FRAS1: variants seen among roughly 807,000 people sequenced by gnomAD.
The protein encoded by FRAS1 is Fraser extracellular matrix complex subunit 1, also known as extracellular matrix organizing protein FRAS1.
A neutral mutation model predicts 435.2 loss-of-function variants in FRAS1; 290 were observed. That is an observed-to-expected ratio of 0.67 (90% CI 0.61 to 0.73). The LOEUF (loss-of-function observed/expected upper bound fraction) is 0.73. Ranked by LOEUF, FRAS1 falls within the 30% of genes least tolerant of loss-of-function variation. The pLI, the probability that FRAS1 is intolerant of heterozygous loss-of-function variation, is 0.00. For synonymous variants in FRAS1, 1,800 were observed against 1,851.0 expected, an observed-to-expected ratio of 0.97 and a Z score of 0.71; for missense variants, 4,860 against 5,001.5, an observed-to-expected ratio of 0.97 and a Z score of 0.85.
At chr4:78,103,238 A>G (rs1481084144) in intron 2 of FRAS1, among the ~76,000 whole-genome samples, 1 of 152,230 alleles carries the variant, frequency 6.6e-6, no homozygotes, top group Non-Finnish European at 1.5e-5. Context: ...ACATTTCTTA[A>G]ACAATTTTAA....
At chr4:78,208,414 C>T (rs1723355035) in intron 2 of FRAS1, among the ~76,000 whole-genome samples, 1 of 152,136 alleles carries the variant, frequency 6.6e-6, no homozygotes, top group Non-Finnish European at 1.5e-5. Flanking sequence ...ATCACACTAG[C>T]TCACCAGCAA....
At chr4:78,125,082 G>A (rs1384900861) in intron 2 of FRAS1, among the ~76,000 whole-genome samples, 3 of 152,132 alleles carry the variant, frequency 2.0e-5, no homozygotes, top group Non-Finnish European at 4.4e-5. Context: ...TGTGATGTTA[G>A]TGTGTCAGTT....
At chr4:78,275,450 C>T (rs913542335) in intron 9 of FRAS1, among the ~76,000 whole-genome samples, 5 of 152,108 alleles carry the variant, frequency 3.3e-5, no homozygotes, top group Non-Finnish European at 7.4e-5. Context: ...CAGTGGCTGG[C>T]ACCGGTTGTT....
chr4:78,434,968 G>A (rs1236106714), intron 38 of FRAS1, among the ~76,000 whole-genome samples: 4 of 149,222 alleles, frequency 2.7e-5, no homozygotes, highest in Non-Finnish European at 5.9e-5. Flanking sequence ...CTTACCAAAC[G>A]ATCTTTCAAT....
At chr4:78,513,328 A>T in intron 64 of FRAS1, 64 bp from the exon 65 acceptor site, 2 of 1,503,862 alleles carry the variant, frequency 1.3e-6, no homozygotes, top group South Asian at 2.3e-5. Context: ...ATGAGAAAGA[A>T]GTATGTCCTA....
At position 78,482,453 on chromosome 4, in the gene FRAS1, G is replaced by A; in HGVS notation, c.8670G>A (p.Val2890=). 1 of 1,613,884 alleles carries A rather than the reference G, an allele frequency of 6.2e-7. No individual in the cohort carries two copies. Among genetic ancestry groups the A allele is most frequent in the East Asian group, 2.2e-5 (1 of 44,882 alleles). The part of the protein sequence containing the change: ...YPVIEGLETF[V]VFLSSAQGAE... ...TAATTGAAGGACTGGAGACATTTGT[G>A]GTTTTCCTCAGCTCAGCACAAGGAG... The change falls in exon 58 of 74, where the codon GTG becomes GTA. Residue 2890 remains valine, a synonymous_variant. Coordinates refer to ENST00000512123, the MANE Select transcript of FRAS1 (RefSeq NM_025074.7).
intron 47 of FRAS1, among the ~76,000 whole-genome samples, chr4:78,458,882 G>A (rs1020694302): frequency 2.6e-5 from 4 of 152,144 alleles, no homozygotes; most frequent in African/African-American, 9.7e-5. Context: ...ATAAGGCAGT[G>A]TATTACTGGC....
chr4:78,393,362 A>G lies in FRAS1; in HGVS notation c.3975+5661A>G, dbSNP rs541541648. ...CTGCAGGTTTTTCTTCATGATTACC[A>G]TAAGGGTTACATAAAATATCTTATA... On this transcript the variant is annotated intron_variant, in intron 29 of 73. Coordinates refer to ENST00000512123, the MANE Select transcript of FRAS1 (RefSeq NM_025074.7). Among the ~76,000 whole-genome samples the G allele has an allele frequency of 6.6e-5, 10 of 151,952 alleles. No homozygotes were observed. In the South Asian group the frequency reaches 1.9e-3, roughly 28 times the overall value.
At chr4:78,112,671 A>T (rs544058431) in intron 2 of FRAS1, among the ~76,000 whole-genome samples, 6 of 152,224 alleles carry the variant, frequency 3.9e-5, no homozygotes, top group African/African-American at 1.2e-4. Flanking sequence ...CAGTTATGAA[A>T]TGGCCAAACC....
rs1733389694 is a variant in FRAS1, at chr4:78,412,721, GA to G, written c.4309-247del. Among the ~76,000 whole-genome samples the G allele has an allele frequency of 4.6e-5, 7 of 152,142 alleles. No individual in the cohort carries two copies. The South Asian group carries it at 1.5e-3, about 32-fold the overall frequency. ...ATTTCTAGATAGTGAAATTCTAGATGATTTTTTATTGCTTATTTATGCTTTC... is the reference window on the plus strand; with the variant it reads ...ATTTCTAGATAGTGAAATTCTAGATGTTTTTTATTGCTTATTTATGCTTTC... On this transcript the variant is annotated intron_variant, in intron 31 of 73. Coordinates refer to ENST00000512123, the MANE Select transcript of FRAS1 (RefSeq NM_025074.7).
chr4:78,430,621 C>T (rs182065383), intron 37 of FRAS1, among the ~76,000 whole-genome samples: 66 of 152,274 alleles, frequency 4.3e-4, no homozygotes, highest in African/African-American at 1.5e-3. Flanking sequence ...CTGCCCCCGG[C>T]CCCACCTTGA....
chr4:78,283,133 T>G (rs1443796453), intron 12 of FRAS1, among the ~76,000 whole-genome samples, 166 bp downstream of exon 12: 2 of 74,336 alleles, frequency 2.7e-5, no homozygotes, highest in African/African-American at 7.3e-5. Flanking sequence ...TTAATCTTTG[T>G]CTGTGTAATT....
At chr4:78,393,165 T>C (rs1354839364) in intron 29 of FRAS1, among the ~76,000 whole-genome samples, 1 of 152,020 alleles carries the variant, frequency 6.6e-6, no homozygotes, top group East Asian at 1.9e-4. Flanking sequence ...CCTAACCTCA[T>C]AAAGTTTTCT....
intron 20 of FRAS1, among the ~76,000 whole-genome samples, chr4:78,356,804 T>TA (rs71216212): frequency 1.1e-3 from 174 of 151,922 alleles, no homozygotes; most frequent in South Asian, 5.4e-3. Flanking sequence ...GCCTTTCATA[T>TA]AAAAAAAATT....
chr4:78,447,302 A>AAAC (rs1171318831), intron 43 of FRAS1, among the ~76,000 whole-genome samples: 3 of 147,994 alleles, frequency 2.0e-5, no homozygotes, highest in African/African-American at 7.5e-5. Flanking sequence ...AAAAAAAAAA[A>AAAC]AACACTTTTC....
chr4:78,392,094 G>T (rs554747486), intron 29 of FRAS1, among the ~76,000 whole-genome samples: 1 of 152,084 alleles, frequency 6.6e-6, no homozygotes, highest in African/African-American at 2.4e-5. Context: ...ATGGAGCAAG[G>T]GTTCTATATT....
Position 78,083,977 on chromosome 4 carries a change from C to G in FRAS1, c.108+17961C>G, listed in dbSNP as rs561952952. The stretch of plus-strand genomic sequence containing the variant: ...TAAGGCACAATTCAAATAGAAAAGA[C>G]AGGGTAAACTCTTGGTTGATTCTCC... On this transcript the variant is annotated intron_variant, in intron 2 of 73. Coordinates refer to ENST00000512123, the MANE Select transcript of FRAS1 (RefSeq NM_025074.7). Among the ~76,000 whole-genome samples, 269 of 152,154 alleles carry G rather than the reference C, an allele frequency of 1.8e-3. 1 individual carries two copies. Among genetic ancestry groups the G allele is most frequent in the African/African-American group, 6.2e-3 (258 of 41,532 alleles).
At position 78,533,962 on chromosome 4, in the gene FRAS1, G is replaced by C. The variant is rs564376111; in HGVS notation, c.10926-487G>C. On this transcript the variant is annotated intron_variant, in intron 70 of 73. Transcript: ENST00000512123. ...GCGCTTATCTGCCAGAAGGAGACAC[G>C]GAAGGAAGGGGCTCAGGAAGAAGGC... 5.3e-5 allele frequency among the ~76,000 whole-genome samples: 8 copies of C among 152,276 alleles called. No individual in the cohort carries two copies. In the South Asian group the frequency reaches 1.5e-3, roughly 28 times the overall value.
intron 2 of FRAS1, among the ~76,000 whole-genome samples, chr4:78,089,159 C>T (rs1223327690): frequency 2.0e-5 from 3 of 151,720 alleles, no homozygotes; most frequent in Admixed American, 6.6e-5. Context: ...AACCATCATT[C>T]TCAGCAAACT....
Sources: gnomAD v4.1 joint callset for allele counts (sites outside exome capture counted in the v4.1 genomes callset) on GRCh38, gnomAD v4.1.1 for gene constraint, MANE v1.5 for transcripts, NCBI Gene and HGNC (gene_info 2026-07-23, HGNC 2026-07-21) for gene names.